Variants in EVI5 observed in about 807,000 individuals in gnomAD.
The protein encoded by EVI5 is ecotropic viral integration site 5 protein homolog.
In EVI5, 73 loss-of-function variants were observed where a neutral mutation model predicts 112.0. That is an observed-to-expected ratio of 0.65 (90% CI 0.54 to 0.79). The LOEUF is 0.79. Among genes scored for constraint, EVI5 ranks in the 30% least tolerant of loss-of-function variants. EVI5 has a pLI of 0.00. For synonymous variants in EVI5, 305 were observed against 319.9 expected (o/e 0.95, Z 0.50); for missense variants, 900 against 968.8 (o/e 0.93, Z 0.94).
chr1:92,553,340 C>A (rs1256722619), intron 19 of EVI5, among the ~76,000 whole-genome samples: 1 of 124,802 alleles, frequency 8.0e-6, no homozygotes, highest in Non-Finnish European at 1.6e-5. Flanking sequence ...TCTCACTCTG[C>A]CACCCAGGCT....
At chr1:92,677,315 A>T (rs904077406) in intron 9 of EVI5, 97 bp from the exon 10 acceptor site, 1 of 619,456 alleles carries the variant, frequency 1.6e-6, no homozygotes, top group African/African-American at 1.9e-5. Flanking sequence ...ATAAAATACA[A>T]TTTCTTTAGT....
At chr1:92,736,338 T>C in intron 2 of EVI5, 60 bp downstream of exon 2, 1 of 1,122,206 alleles carries the variant, frequency 8.9e-7, no homozygotes, top group Non-Finnish European at 1.3e-6. Context: ...CTAGTGTAAG[T>C]AAATATGAAT....
At chr1:92,544,106 T>C (rs1166368779) in intron 19 of EVI5, among the ~76,000 whole-genome samples, 1 of 152,184 alleles carries the variant, frequency 6.6e-6, no homozygotes, top group African/African-American at 2.4e-5. Flanking sequence ...CCATTTATAT[T>C]AAATGTCCAG....
chr1:92,766,410 A>G (rs1002451354), intron 1 of EVI5, among the ~76,000 whole-genome samples: 1 of 152,092 alleles, frequency 6.6e-6, no homozygotes. Flanking sequence ...AAAAATACAA[A>G]TTCAGAACAA....
chr1:92,779,002 T>C (rs550481363), intron 1 of EVI5, among the ~76,000 whole-genome samples: 4 of 152,248 alleles, frequency 2.6e-5, no homozygotes, highest in African/African-American at 7.2e-5. Context: ...CATGTGATTA[T>C]AATGTGCAGC....
chr1:92,664,576 G>C (rs1664569411), intron 11 of EVI5, among the ~76,000 whole-genome samples: 1 of 149,932 alleles, frequency 6.7e-6, no homozygotes, highest in South Asian at 2.1e-4. Context: ...CAACTTAAAA[G>C]CAAGCTCAAT....
intron 6 of EVI5, among the ~76,000 whole-genome samples, chr1:92,696,882 T>C (rs1202527877): frequency 1.3e-5 from 2 of 151,352 alleles, no homozygotes; most frequent in Admixed American, 6.6e-5. Context: ...ACTAAAAAAA[T>C]ACAAAAAATT....
At chr1:92,708,105 T>A (rs6669914) in intron 2 of EVI5, among the ~76,000 whole-genome samples, 140,193 of 152,178 alleles carry the variant, frequency 0.92, 64,665 homozygotes, top group East Asian at 0.97. Context: ...AAAGCCTTAA[T>A]TATGACCAAA....
chr1:92,531,393 A>C (rs1662844248), intron 19 of EVI5, among the ~76,000 whole-genome samples: 1 of 152,180 alleles, frequency 6.6e-6, no homozygotes, highest in Admixed American at 6.6e-5. Context: ...AGCTTCCCCA[A>C]CCTAGCAAGG....
chr1:92,570,055 G>C (rs1670092025), intron 18 of EVI5, among the ~76,000 whole-genome samples: 1 of 151,864 alleles, frequency 6.6e-6, no homozygotes, highest in Non-Finnish European at 1.5e-5. Context: ...ACATCAAACA[G>C]AGAATAAGAG....
chr1:92,671,923 C>A (rs1162009373), intron 10 of EVI5, among the ~76,000 whole-genome samples: 3 of 151,814 alleles, frequency 2.0e-5, no homozygotes, highest in Non-Finnish European at 4.4e-5. Flanking sequence ...CTTCCTCCGC[C>A]TCCTGAGTAG....
At chr1:92,646,459 G>A (rs561326097) in intron 13 of EVI5, among the ~76,000 whole-genome samples, 87 of 152,240 alleles carry the variant, frequency 5.7e-4, no homozygotes, top group African/African-American at 1.5e-3. Context: ...TTATATTACC[G>A]TTTGTAGAAA....
chr1:92,733,941 CTG>C (rs1676907326), intron 2 of EVI5, among the ~76,000 whole-genome samples: 1 of 152,138 alleles, frequency 6.6e-6, no homozygotes, highest in South Asian at 2.1e-4. Context: ...TTTTGGGACA[CTG>C]TCATTCTTTT....
At chr1:92,593,172 T>C (rs920252316) in intron 18 of EVI5, among the ~76,000 whole-genome samples, 10 of 152,186 alleles carry the variant, frequency 6.6e-5, no homozygotes, top group African/African-American at 2.4e-4. Flanking sequence ...ATATCCTCAA[T>C]ATAATACTGG....
At chr1:92,609,980 G>C (rs990507463) in intron 16 of EVI5, among the ~76,000 whole-genome samples, 1 of 151,912 alleles carries the variant, frequency 6.6e-6, no homozygotes, top group African/African-American at 2.4e-5. Context: ...CAATCTCCCA[G>C]GCTCAAGCTA....
At chr1:92,589,765 T>G (rs545257302) in intron 18 of EVI5, among the ~76,000 whole-genome samples, 1 of 151,964 alleles carries the variant, frequency 6.6e-6, no homozygotes, top group Non-Finnish European at 1.5e-5. Context: ...TTGAAGAGAG[T>G]AGCGGTTCTC....
intron 13 of EVI5, 64 bp downstream of exon 13, chr1:92,662,653 GAA>G: frequency 2.1e-6 from 2 of 954,018 alleles, no homozygotes; most frequent in Non-Finnish European, 2.6e-6. Context: ...TCTGTGCTAT[GAA>G]AAAAAAAATG....
intron 19 of EVI5, 59 bp downstream of exon 19, chr1:92,563,580 GTGT>G: frequency 1.3e-6 from 1 of 777,866 alleles, no homozygotes; most frequent in Non-Finnish European, 2.2e-6. Context: ...CAGTAATAAA[GTGT>G]TGTTACAATA....
chr1:92,769,563 G>A (rs968278950), intron 1 of EVI5, among the ~76,000 whole-genome samples: 29 of 152,128 alleles, frequency 1.9e-4, no homozygotes, highest in Non-Finnish European at 3.5e-4. Context: ...ATACGGCAGA[G>A]GGTGCTTTGC....
Sources: allele counts gnomAD v4.1 joint callset (sites outside exome capture counted in the v4.1 genomes callset), GRCh38; gene constraint gnomAD v4.1.1; transcripts MANE v1.5; gene names NCBI Gene and HGNC (gene_info 2026-07-23, HGNC 2026-07-21).